MAST4: variants seen among roughly 807,000 people sequenced by gnomAD.
MAST4 encodes microtubule associated serine/threonine kinase family member 4, also known as microtubule-associated serine/threonine-protein kinase 4.
In MAST4, 89 loss-of-function variants were observed where a neutral mutation model predicts 162.7. The ratio of observed to expected loss-of-function variants is 0.55; its 90% CI spans 0.46 to 0.65. The LOEUF (loss-of-function observed/expected upper bound fraction) is 0.65. MAST4 is among the 30% of genes least tolerant of loss of function. The pLI is 0.00. For missense variants in MAST4, 3,153 were observed against 3,374.0 expected (o/e 0.93, Z 1.62); for synonymous variants, 1,479 against 1,361.1 (o/e 1.09, Z -1.91).
In MAST4 at chr5:67,152,850, T is replaced by C; in HGVS notation, c.3509T>C (p.Val1170Ala). 1 of 1,613,774 alleles carries C rather than the reference T, an allele frequency of 6.2e-7. No individual in the cohort carries two copies. The highest frequency in any genetic ancestry group is 8.5e-7 in the Non-Finnish European group (1 of 1,179,690). Residue 1170 changes from valine to alanine, a missense_variant, in exon 25 of 29, where the codon GTG becomes GCG. By Grantham distance (64) the Val-to-Ala change is moderately conservative (BLOSUM62 0). Coordinates refer to ENST00000403625, the MANE Select transcript of MAST4 (RefSeq NM_001164664.2). ...VYVGDSDIYTVHHIVWNVEEG... is the reference protein window; with the variant it reads ...VYVGDSDIYTAHHIVWNVEEG... The stretch of plus-strand genomic sequence containing the variant: ...GTGGGAGACAGTGACATCTATACAG[T>C]GCACCATATCGTCTGGGTAAGACCT...
intron 1 of MAST4, among the ~76,000 whole-genome samples, chr5:66,745,471 C>T (rs778082255): frequency 1.4e-4 from 21 of 152,208 alleles, no homozygotes; most frequent in African/African-American, 3.6e-4. Flanking sequence ...GTTTAGATAC[C>T]GCTAATTATC....
At chr5:67,012,044 A>G (rs986907435) in intron 4 of MAST4, among the ~76,000 whole-genome samples, 2 of 152,154 alleles carry the variant, frequency 1.3e-5, no homozygotes, top group African/African-American at 4.8e-5. Flanking sequence ...GTCTTCACTC[A>G]AGGCAGTGGT....
intron 1 of MAST4, among the ~76,000 whole-genome samples, chr5:66,618,998 C>T (rs539757404): frequency 2.6e-4 from 39 of 152,286 alleles, no homozygotes; most frequent in African/African-American, 9.4e-4. Flanking sequence ...CTTGGCAACG[C>T]ACTAAATGCT....
intron 2 of MAST4, among the ~76,000 whole-genome samples, chr5:66,766,220 C>T (rs1276254769): frequency 2.0e-5 from 3 of 152,146 alleles, no homozygotes; most frequent in African/African-American, 4.8e-5. Context: ...ATGTATGTTA[C>T]AGCCGTAACA....
intron 3 of MAST4, among the ~76,000 whole-genome samples, chr5:66,855,901 C>G (rs1223359222): frequency 6.6e-6 from 1 of 152,166 alleles, no homozygotes; most frequent in South Asian, 2.1e-4. Flanking sequence ...GTGGCTCATG[C>G]CTGTAATCCC....
At chr5:66,829,401 A>G (rs1580559831) in intron 3 of MAST4, among the ~76,000 whole-genome samples, 1 of 152,232 alleles carries the variant, frequency 6.6e-6, no homozygotes, top group East Asian at 1.9e-4. Flanking sequence ...TTATGTTGAG[A>G]TGAGAAAAGA....
intron 1 of MAST4, among the ~76,000 whole-genome samples, chr5:66,735,425 T>C (rs149446861): frequency 0.025 from 3,773 of 152,316 alleles, 119 homozygotes; most frequent in South Asian, 0.12. Flanking sequence ...TATGAACATA[T>C]GTATTTTGTC....
chr5:66,767,668 A>G (rs1212512815), intron 2 of MAST4, among the ~76,000 whole-genome samples: 1 of 152,044 alleles, frequency 6.6e-6, no homozygotes, highest in African/African-American at 2.4e-5. Context: ...CATGATCACC[A>G]GGTCCCACAA....
intron 5 of MAST4, among the ~76,000 whole-genome samples, chr5:67,060,607 A>G (rs1759449895): frequency 6.6e-6 from 1 of 151,498 alleles, no homozygotes; most frequent in Non-Finnish European, 1.5e-5. Context: ...CCTCCTGAGT[A>G]ACTGGGACTA....
chr5:67,080,362 C>T (rs1762457106), intron 5 of MAST4, among the ~76,000 whole-genome samples: 1 of 152,004 alleles, frequency 6.6e-6, no homozygotes, highest in South Asian at 2.1e-4. Context: ...TTTTTTTCTC[C>T]CATCTCAGTT....
At position 67,018,645 on chromosome 5, in the gene MAST4, A is replaced by T. The variant is rs188748818; in HGVS notation, c.675-35759A>T. 1.5e-4 allele frequency among the ~76,000 whole-genome samples: 23 copies of T among 152,368 alleles called. No homozygotes were observed. In the East Asian group the frequency reaches 2.9e-3, roughly 19 times the overall value. On this transcript the variant is annotated intron_variant, in intron 4 of 28. Transcript: ENST00000403625. ...TTGGGGAAGGAAACAGGGCCTTGACAGTGGAGGACTTGGAAGACATGTAAT... is the reference window on the plus strand; with the variant it reads ...TTGGGGAAGGAAACAGGGCCTTGACTGTGGAGGACTTGGAAGACATGTAAT...
At chr5:66,616,818 A>T (rs1292669917) in intron 1 of MAST4, among the ~76,000 whole-genome samples, 1 of 152,246 alleles carries the variant, frequency 6.6e-6, no homozygotes. Context: ...TCCTCGTGTA[A>T]ATAATAAGTA....
At chr5:66,616,303 G>A (rs760643548) in intron 1 of MAST4, among the ~76,000 whole-genome samples, 1 of 152,142 alleles carries the variant, frequency 6.6e-6, no homozygotes, top group Non-Finnish European at 1.5e-5. Context: ...CCCCTACCAA[G>A]GTGAGCAGTT....
intron 3 of MAST4, among the ~76,000 whole-genome samples, chr5:66,892,773 T>G (rs1230351205): frequency 6.6e-6 from 1 of 152,130 alleles, no homozygotes; most frequent in Non-Finnish European, 1.5e-5. Flanking sequence ...GGGAAAAAAT[T>G]GGAACTGGAT....
chr5:67,127,140 C>T (rs753612920), intron 14 of MAST4, among the ~76,000 whole-genome samples: 2 of 152,116 alleles, frequency 1.3e-5, no homozygotes, highest in East Asian at 1.9e-4. Context: ...TGGGCTGAGA[C>T]GATGGGATTT....
In MAST4 at chr5:67,164,056, C is replaced by A. The variant is rs530924532; in HGVS notation, c.4877C>A (p.Pro1626His). The A allele has an allele frequency of 6.4e-7, 1 of 1,569,066 alleles. No homozygotes were observed. Among genetic ancestry groups the A allele is most frequent in the East Asian group, 2.3e-5 (1 of 42,848 alleles). Reference protein sequence around the residue: ...SEGAMSDGRVPAEHRQGGGDF... With the variant: ...SEGAMSDGRVHAEHRQGGGDF... ...GGTGCGATGTCGGATGGCCGGGTGC[C>A]TGCGGAGCACCGCCAGGGTGGCGGG... Residue 1626 changes from proline to histidine, a missense_variant, in exon 29 of 29, where the codon CCT becomes CAT. This residue lies in a region of MAST4 where 1,644 missense variants were observed against 1,495.0 expected (regional missense o/e 1.10). Transcript: ENST00000403625. This position sits in a 1 kb window ranked among gnomAD's most constrained non-coding sequence, Gnocchi z 5.3.
chr5:67,087,203 A>G (rs974404889), intron 5 of MAST4, among the ~76,000 whole-genome samples: 6 of 152,098 alleles, frequency 3.9e-5, no homozygotes, highest in African/African-American at 1.4e-4. Flanking sequence ...CATTTTCCCA[A>G]TCTACCCACA....
intron 1 of MAST4, among the ~76,000 whole-genome samples, chr5:66,606,369 T>A (rs949470932): frequency 6.6e-6 from 1 of 152,214 alleles, no homozygotes; most frequent in African/African-American, 2.4e-5. Flanking sequence ...AAGCTATTTT[T>A]TTTTAAATAA....
At chr5:66,997,098 T>C (rs1230467066) in intron 4 of MAST4, among the ~76,000 whole-genome samples, 1 of 152,232 alleles carries the variant, frequency 6.6e-6, no homozygotes, top group African/African-American at 2.4e-5. Context: ...TCTGTGTGCA[T>C]ACTTGATTGT....
Sources: allele counts gnomAD v4.1 joint callset (sites outside exome capture counted in the v4.1 genomes callset), GRCh38; gene constraint gnomAD v4.1.1; regional missense constraint gnomAD v4.1.1; non-coding constraint Gnocchi (gnomAD v3.1); transcripts MANE v1.5; gene names NCBI Gene and HGNC (gene_info 2026-07-23, HGNC 2026-07-21).